Variants in GABPB1 observed in about 807,000 individuals in gnomAD.
GABPB1 encodes GA-binding protein subunit beta-1.
In GABPB1, 15 loss-of-function variants were observed where a neutral mutation model predicts 45.9. That is an observed-to-expected ratio of 0.33 (90% CI 0.22 to 0.50). The LOEUF (loss-of-function observed/expected upper bound fraction) is 0.50. Ranked by LOEUF, GABPB1 falls within the 20% of genes least tolerant of loss-of-function variation. The probability of loss-of-function intolerance (pLI) is 0.98; values close to 1 mark genes in which losing one functional copy is unlikely to be tolerated. For missense variants in GABPB1, 252 were observed against 457.5 expected (o/e 0.55, Z 4.10); for synonymous variants, 143 against 154.4 (o/e 0.93, Z 0.55).
intron 2 of GABPB1, 134 bp from the exon 3 acceptor site, chr15:50,304,267 T>C (rs759134308): frequency 3.7e-6 from 2 of 545,920 alleles, no homozygotes; most frequent in Non-Finnish European, 5.8e-6. Flanking sequence ...CCTAGATTCA[T>C]GCTTATCACA....
At chr15:50,351,326 C>A (rs2048814960) in intron 1 of GABPB1, 1 of 152,336 alleles carries the variant, frequency 6.6e-6, no homozygotes. Context: ...CCTATAATCC[C>A]AACACTTGGG....
At chr15:50,329,702 T>G (rs1020981196) in intron 1 of GABPB1, among the ~76,000 whole-genome samples, 5 of 152,148 alleles carry the variant, frequency 3.3e-5, no homozygotes, top group African/African-American at 4.8e-5. Context: ...TGAATGTGTA[T>G]TTACATAATT....
rs1231994080 is a variant in GABPB1 at position 50,298,789 on chromosome 15, T to C, written c.697+2000A>G. Reference sequence around the variant, plus strand: ...CAACATGGTGAAACCCCGTCCCTACTAAAAATACAAAAAATAGCTGGGTGT... The same window carrying C: ...CAACATGGTGAAACCCCGTCCCTACCAAAAATACAAAAAATAGCTGGGTGT... On this transcript the variant is annotated intron_variant, in intron 6 of 8. Coordinates refer to ENST00000380877, the MANE Select transcript of GABPB1 (RefSeq NM_016654.5). Among the ~76,000 whole-genome samples, 7 of 151,914 alleles carry C rather than the reference T, an allele frequency of 4.6e-5. No homozygotes were observed. The East Asian group carries it at 9.7e-4, about 21-fold the overall frequency.
chr15:50,330,879 T>A (rs2047926221), intron 1 of GABPB1, among the ~76,000 whole-genome samples: 1 of 152,134 alleles, frequency 6.6e-6, no homozygotes, highest in Admixed American at 6.5e-5. Context: ...GTAGTAGTAG[T>A]GGTGGTTGTG....
At chr15:50,321,697 G>A (rs1288670042) in intron 1 of GABPB1, among the ~76,000 whole-genome samples, 5 of 116,410 alleles carry the variant, frequency 4.3e-5, no homozygotes, top group African/African-American at 5.9e-5. Flanking sequence ...GCAAGACTCC[G>A]TCTCAGAAAA....
chr15:50,321,275 T>C (rs74837582), intron 1 of GABPB1, among the ~76,000 whole-genome samples: 3,116 of 152,292 alleles, frequency 0.02, 107 homozygotes, highest in African/African-American at 0.072. Context: ...TAGCAACTTA[T>C]ACTCCCACTA....
chr15:50,337,503 G>A (rs1344340253), intron 1 of GABPB1, among the ~76,000 whole-genome samples: 5 of 152,114 alleles, frequency 3.3e-5, no homozygotes, highest in African/African-American at 1.2e-4. Context: ...GTTCACGCCT[G>A]TAGTAATCCC....
At chr15:50,312,445 G>A (rs747435811) in intron 1 of GABPB1, among the ~76,000 whole-genome samples, 1 of 151,922 alleles carries the variant, frequency 6.6e-6, no homozygotes, top group Non-Finnish European at 1.5e-5. Context: ...GCTTAAAGAC[G>A]CTAAGATCTA....
chr15:50,298,964 A>G (rs1327977759), intron 6 of GABPB1, among the ~76,000 whole-genome samples: 1 of 151,704 alleles, frequency 6.6e-6, no homozygotes, highest in African/African-American at 2.4e-5. Flanking sequence ...AAAAAAAAAA[A>G]AAGAAAGAGA....
At chr15:50,311,891 T>C (rs777265183) in intron 1 of GABPB1, among the ~76,000 whole-genome samples, 1 of 152,208 alleles carries the variant, frequency 6.6e-6, no homozygotes, top group Non-Finnish European at 1.5e-5. Flanking sequence ...GTAGATTAGC[T>C]ACGATGGGAA....
intron 1 of GABPB1, among the ~76,000 whole-genome samples, chr15:50,326,380 A>AGGTAT (rs2047763203): frequency 1.3e-5 from 2 of 151,474 alleles, no homozygotes; most frequent in South Asian, 4.2e-4. Flanking sequence ...GCCAAGAGCC[A>AGGTAT]GGTATGGTGG....
intron 2 of GABPB1, among the ~76,000 whole-genome samples, chr15:50,305,979 T>A (rs11638564): frequency 0.49 from 74,820 of 151,496 alleles, 19,554 homozygotes; most frequent in Middle Eastern, 0.65. Context: ...GGTTTTTTTT[T>A]ATTCATTTTT....
intron 2 of GABPB1, among the ~76,000 whole-genome samples, chr15:50,304,702 T>C (rs2046879857): frequency 1.3e-5 from 2 of 150,548 alleles, no homozygotes; most frequent in Non-Finnish European, 3.0e-5. Context: ...CACAGCGAGA[T>C]TTTGGTCTAA....
rs1306652352 is a variant in GABPB1 at position 50,275,864 on chromosome 15, G to A, written c.*2768C>T. ...CTGCAGATACTACTTCTCAGATGAG[G>A]CTTTCTGAAAGCATCACAGATTCAG... On this transcript the variant is annotated 3_prime_UTR_variant, in exon 9 of 9. Transcript: ENST00000380877. The A allele has an allele frequency of 6.6e-6, 1 of 152,176 alleles. No individual in the cohort carries two copies. The highest frequency in any genetic ancestry group is 6.5e-5 in the Admixed American group (1 of 15,282). The allele number at this position is 152,176 out of a possible 1,614,324, so 9.4% of individuals were successfully genotyped here. A position where few individuals can be genotyped will look rare whatever the true frequency, so the allele number is the denominator to read the frequency against.
chr15:50,331,716 T>C (rs941118750), intron 1 of GABPB1, among the ~76,000 whole-genome samples: 1 of 152,148 alleles, frequency 6.6e-6, no homozygotes, highest in African/African-American at 2.4e-5. Context: ...AGCGTACTAG[T>C]TAGAAAATTA....
In GABPB1 at chr15:50,303,993, A is replaced by G; in HGVS notation, c.249T>C (p.His83=). ...TPLHMAASEG[H]ASIVEVLLKH... is the part of the protein sequence containing the mutation. Reference sequence around the variant, plus strand: ...TAAGTAAAACCTCTACTATGCTGGCATGGCCCTCAGAAGCTGCCATATGTA... The same window carrying G: ...TAAGTAAAACCTCTACTATGCTGGCGTGGCCCTCAGAAGCTGCCATATGTA... The change falls in exon 3 of 9, where the codon CAT becomes CAC. Residue 83 remains histidine (H), a synonymous_variant. Coordinates refer to ENST00000380877, the MANE Select transcript of GABPB1 (RefSeq NM_016654.5). The G allele has an allele frequency of 1.2e-6, 2 of 1,610,922 alleles. No homozygotes were observed. The highest frequency in any genetic ancestry group is 8.5e-7 in the Non-Finnish European group (1 of 1,178,864).
At chr15:50,314,183 A>T (rs1388289713) in intron 1 of GABPB1, among the ~76,000 whole-genome samples, 39 of 115,622 alleles carry the variant, frequency 3.4e-4, no homozygotes, top group Admixed American at 9.3e-4. Flanking sequence ...TTATTTATTT[A>T]TTTATTTATT....
chr15:50,343,236 T>A (rs190115106), intron 1 of GABPB1, among the ~76,000 whole-genome samples: 112 of 151,680 alleles, frequency 7.4e-4, no homozygotes, highest in African/African-American at 2.4e-3. Context: ...CTCCCCATCA[T>A]CTCTTCTCAG....
At chr15:50,352,750 A>G (rs1198421193) in intron 1 of GABPB1, 1 of 152,256 alleles carries the variant, frequency 6.6e-6, no homozygotes, top group Non-Finnish European at 1.5e-5. Flanking sequence ...CTTCCTGTTG[A>G]TGGAACAGTA....
Sources: gnomAD v4.1 joint callset for allele counts (sites outside exome capture counted in the v4.1 genomes callset) on GRCh38, gnomAD v4.1.1 for gene constraint, MANE v1.5 for transcripts, NCBI Gene and HGNC (gene_info 2026-07-23, HGNC 2026-07-21) for gene names.